LRRC4C: variants seen among roughly 807,000 people sequenced by gnomAD.
The protein encoded by LRRC4C is leucine rich repeat containing 4C, also known as leucine-rich repeat-containing protein 4C.
LRRC4C carries 5 observed loss-of-function variants against 33.6 expected under a neutral mutation model. That is an observed-to-expected ratio of 0.15 (90% CI 0.08 to 0.31). The LOEUF (loss-of-function observed/expected upper bound fraction) is 0.31, where lower values mean the gene tolerates loss of function less well. Ranked by LOEUF, LRRC4C falls within the 10% of genes least tolerant of loss-of-function variation. LRRC4C has a pLI of 1.00. For synonymous variants in LRRC4C, 329 were observed against 302.0 expected, an observed-to-expected ratio of 1.09 and a Z score of -0.93; for missense variants, 560 against 796.7, an observed-to-expected ratio of 0.70 and a Z score of 3.58.
chr11:40,582,803 C>T (rs12273954), intron 3 of LRRC4C, among the ~76,000 whole-genome samples: 4,805 of 150,278 alleles, frequency 0.032, 262 homozygotes, highest in African/African-American at 0.11. Flanking sequence ...AGGCGTGAGC[C>T]CCCACGCCCA....
At chr11:41,446,084 G>C (rs1372690003) in intron 1 of LRRC4C, among the ~76,000 whole-genome samples, 1 of 152,034 alleles carries the variant, frequency 6.6e-6, no homozygotes, top group African/African-American at 2.4e-5. Context: ...GTGAATGAAG[G>C]TCAAGCTCCC....
At chr11:40,722,314 C>T (rs1947058583) in intron 2 of LRRC4C, among the ~76,000 whole-genome samples, 1 of 152,196 alleles carries the variant, frequency 6.6e-6, no homozygotes, top group African/African-American at 2.4e-5. Context: ...GAGAGCACGG[C>T]TGCACATGCA....
At chr11:40,349,486 G>A (rs1473783992) in intron 3 of LRRC4C, among the ~76,000 whole-genome samples, 1 of 151,812 alleles carries the variant, frequency 6.6e-6, no homozygotes, top group Non-Finnish European at 1.5e-5. Flanking sequence ...TGAACACTTC[G>A]GTTGCTTCCA....
chr11:40,416,326 T>A (rs75415245), intron 3 of LRRC4C, among the ~76,000 whole-genome samples: 309 of 152,144 alleles, frequency 2.0e-3, no homozygotes, highest in African/African-American at 7.2e-3. Flanking sequence ...GATAAAAAGA[T>A]GAGCAGGAGT....
At chr11:41,245,775 C>T (rs781157430) in intron 1 of LRRC4C, among the ~76,000 whole-genome samples, 7 of 152,124 alleles carry the variant, frequency 4.6e-5, no homozygotes, top group South Asian at 2.1e-4. Context: ...ATGAGGTACG[C>T]GGACAAGTGG....
chr11:41,448,122 G>GGTTTTTTTTTTTTTTGTTTTTTT (rs1554934483), intron 1 of LRRC4C, among the ~76,000 whole-genome samples: 4 of 46,948 alleles, frequency 8.5e-5, no homozygotes, highest in Non-Finnish European at 1.7e-4. Flanking sequence ...GCACACGTCT[G>GGTTTTTTTTTTTTTTGTTTTTTT]TTTTTTTTTT....
chr11:40,240,151 G>T (rs1865834884), intron 5 of LRRC4C, among the ~76,000 whole-genome samples: 1 of 152,014 alleles, frequency 6.6e-6, no homozygotes, highest in Admixed American at 6.6e-5. Flanking sequence ...AAAACTATTT[G>T]CTTTTCGCAC....
At position 41,355,601 on chromosome 11, in the gene LRRC4C, AT is replaced by A. The variant is rs1952133071; in HGVS notation, c.-496+103829del. ...TATGGATTGTTTATACTAATGACCT[AT>A]TTTTGTCCTTCCAAAGCCATGTTGT... is the stretch of plus-strand genomic sequence containing the variant. On this transcript the variant is annotated intron_variant, in intron 1 of 6. Transcript: ENST00000528697. Among the ~76,000 whole-genome samples, 3 of 152,050 alleles carry A rather than the reference AT, an allele frequency of 2.0e-5. No homozygotes were observed. In the South Asian group the frequency reaches 6.2e-4, roughly 31 times the overall value.
chr11:40,583,494 C>G (rs1316048968), intron 3 of LRRC4C, among the ~76,000 whole-genome samples: 1 of 152,084 alleles, frequency 6.6e-6, no homozygotes, highest in Non-Finnish European at 1.5e-5. Context: ...CCTTGCTTGC[C>G]CCTAACCATC....
intron 2 of LRRC4C, among the ~76,000 whole-genome samples, chr11:40,776,154 T>C (rs1187342598): frequency 1.3e-5 from 2 of 152,168 alleles, no homozygotes; most frequent in Non-Finnish European, 2.9e-5. Flanking sequence ...ACTTTATTAA[T>C]TTGCTACTGA....
intron 1 of LRRC4C, among the ~76,000 whole-genome samples, chr11:41,215,968 C>T (rs1313570217): frequency 1.3e-5 from 2 of 152,278 alleles, no homozygotes; most frequent in East Asian, 1.9e-4. Context: ...CTCAAGCCTA[C>T]CTCGTATGCA....
intron 1 of LRRC4C, among the ~76,000 whole-genome samples, chr11:41,071,306 C>A (rs1009033508): frequency 6.6e-6 from 1 of 151,918 alleles, no homozygotes; most frequent in African/African-American, 2.4e-5. Flanking sequence ...GGATACAGAG[C>A]TTAAAATCTA....
At chr11:41,105,565 T>C (rs1459358363) in intron 1 of LRRC4C, among the ~76,000 whole-genome samples, 2 of 152,054 alleles carry the variant, frequency 1.3e-5, no homozygotes. Flanking sequence ...TACAATAAGA[T>C]GTGCTAAGTC....
rs1006179490 is a variant in LRRC4C at position 40,450,803 on chromosome 11, A to G, written c.-269-131082T>C. On this transcript the variant is annotated intron_variant, in intron 3 of 6. Transcript: ENST00000528697. Reference sequence around the variant, plus strand: ...AAAAAAAAAAAAAAGAACTGCGCATATAAAGTATGCTCTCTAAGCCCAATG... The same window carrying G: ...AAAAAAAAAAAAAAGAACTGCGCATGTAAAGTATGCTCTCTAAGCCCAATG... Among the ~76,000 whole-genome samples, 6 of 151,732 alleles carry G rather than the reference A, an allele frequency of 4.0e-5. No homozygotes were observed. The East Asian group carries it at 9.7e-4, about 24-fold the overall frequency.
chr11:40,528,107 A>G (rs1956129482), intron 3 of LRRC4C, among the ~76,000 whole-genome samples: 1 of 152,182 alleles, frequency 6.6e-6, no homozygotes, highest in African/African-American at 2.4e-5. Flanking sequence ...TATAAATAAC[A>G]TGAAAAATTT....
intron 2 of LRRC4C, among the ~76,000 whole-genome samples, chr11:40,719,400 AAGTG>A (rs1946894042): frequency 6.6e-6 from 1 of 152,234 alleles, no homozygotes; most frequent in South Asian, 2.1e-4. Flanking sequence ...AAAGTTAGAA[AAGTG>A]ACCAGAAAAA....
At chr11:40,445,168 T>C (rs1951573876) in intron 3 of LRRC4C, 2 of 152,186 alleles carry the variant, frequency 1.3e-5, no homozygotes, top group Admixed American at 6.5e-5. Flanking sequence ...GTACTAATCA[T>C]ACCACAAAAA....
intron 3 of LRRC4C, among the ~76,000 whole-genome samples, chr11:40,556,536 T>G (rs772483012): frequency 8.5e-5 from 13 of 152,212 alleles, no homozygotes; most frequent in Non-Finnish European, 1.8e-4. Flanking sequence ...TCTACATATC[T>G]CAATAGGCTC....
At chr11:41,091,230 A>G (rs10742575) in intron 1 of LRRC4C, among the ~76,000 whole-genome samples, 1 of 151,548 alleles carries the variant, frequency 6.6e-6, no homozygotes, top group Non-Finnish European at 1.5e-5. Context: ...ATAATAGAGG[A>G]AGTTTAGTGA....
Sources: gnomAD v4.1 joint callset for allele counts (sites outside exome capture counted in the v4.1 genomes callset) on GRCh38, gnomAD v4.1.1 for gene constraint, MANE v1.5 for transcripts, NCBI Gene and HGNC (gene_info 2026-07-23, HGNC 2026-07-21) for gene names.